Variants in ARHGAP24 observed in about 807,000 individuals in gnomAD.
The protein encoded by ARHGAP24 is rho GTPase-activating protein 24.
Under a neutral mutation model 76.4 loss-of-function variants are expected in ARHGAP24, and 50 were observed. The observed-to-expected ratio is 0.65, with a 90% CI of 0.52 to 0.83. The LOEUF (loss-of-function observed/expected upper bound fraction) is 0.83, where lower values mean the gene tolerates loss of function less well. ARHGAP24 is among the 40% of genes least tolerant of loss of function. The pLI is 0.00. For missense variants in ARHGAP24, 930 were observed against 914.2 expected, an observed-to-expected ratio of 1.02 and a Z score of -0.22; for synonymous variants, 345 against 323.3, an observed-to-expected ratio of 1.07 and a Z score of -0.72.
intron 2 of ARHGAP24, among the ~76,000 whole-genome samples, chr4:85,619,224 C>A (rs953941016): frequency 6.6e-5 from 10 of 152,126 alleles, no homozygotes; most frequent in Admixed American, 5.2e-4. Context: ...AAGAGACTGT[C>A]CTTTTCCCAC....
chr4:85,923,547 G>C, intron 3 of ARHGAP24, 101 bp from the exon 4 acceptor site: 2 of 1,511,400 alleles, frequency 1.3e-6, no homozygotes, highest in Non-Finnish European at 1.8e-6. Flanking sequence ...CTTAGTGCGG[G>C]CTGTATTAGG....
chr4:85,779,242 T>C (rs777650662), intron 3 of ARHGAP24, among the ~76,000 whole-genome samples: 1 of 152,236 alleles, frequency 6.6e-6, no homozygotes, highest in Non-Finnish European at 1.5e-5. Flanking sequence ...TGTTGTATCT[T>C]GTCATGTGTG....
At chr4:85,764,411 A>C (rs1402608742) in intron 3 of ARHGAP24, among the ~76,000 whole-genome samples, 5 of 152,156 alleles carry the variant, frequency 3.3e-5, no homozygotes, top group Non-Finnish European at 7.4e-5. Flanking sequence ...AAGCAATATT[A>C]ATGTGATGGA....
intron 1 of ARHGAP24, among the ~76,000 whole-genome samples, chr4:85,516,954 G>C (rs996970461): frequency 6.6e-6 from 1 of 152,044 alleles, no homozygotes; most frequent in African/African-American, 2.4e-5. Context: ...CTGGTATGTA[G>C]TGTGAGATAT....
At chr4:85,838,336 G>A (rs899564728) in intron 3 of ARHGAP24, among the ~76,000 whole-genome samples, 1 of 152,144 alleles carries the variant, frequency 6.6e-6, no homozygotes, top group Non-Finnish European at 1.5e-5. Flanking sequence ...GGTGGCTCAC[G>A]CCTGTAATCC....
intron 5 of ARHGAP24, among the ~76,000 whole-genome samples, chr4:85,952,613 A>G (rs1737681045): frequency 6.6e-6 from 1 of 152,220 alleles, no homozygotes; most frequent in African/African-American, 2.4e-5. Flanking sequence ...TTATTAAGCC[A>G]TGTACTTTCT....
At chr4:85,853,995 C>T (rs144799033) in intron 3 of ARHGAP24, among the ~76,000 whole-genome samples, 23 of 150,914 alleles carry the variant, frequency 1.5e-4, no homozygotes, top group African/African-American at 5.1e-4. Flanking sequence ...ATTAGCCGGG[C>T]GTGGTGGTGC....
intron 4 of ARHGAP24, among the ~76,000 whole-genome samples, chr4:85,927,273 T>C (rs1302227821): frequency 2.6e-5 from 4 of 152,008 alleles, no homozygotes; most frequent in Non-Finnish European, 5.9e-5. Context: ...CATATGAAAG[T>C]ATAGAACAGG....
chr4:85,977,703 AT>A lies in ARHGAP24; in HGVS notation c.928+14del. On this transcript the variant is annotated intron_variant, in intron 8 of 9. Transcript: ENST00000395184. ...GACTATCATGGAGGGTAAGTAAATG[AT>A]TATCTTATACCCTTATCAAAAGAAG... The A allele has an allele frequency of 1.2e-6, 2 of 1,613,076 alleles. No homozygotes were observed. Among genetic ancestry groups the A allele is most frequent in the African/African-American group, 2.7e-5 (2 of 75,028 alleles).
rs181217412 is a variant in ARHGAP24 at position 85,699,132 on chromosome 4, C to T, written c.181-22753C>T. On this transcript the variant is annotated intron_variant, in intron 2 of 9. Coordinates refer to ENST00000395184, the MANE Select transcript of ARHGAP24 (RefSeq NM_001025616.3). Reference sequence around the variant, plus strand: ...TGGATATTTTTGGTTGCATCCTTGTCCCATCTATTCTTTGCTTTTTCCCTT... The same window carrying T: ...TGGATATTTTTGGTTGCATCCTTGTTCCATCTATTCTTTGCTTTTTCCCTT... Among the ~76,000 whole-genome samples the T allele has an allele frequency of 3.9e-5, 6 of 152,294 alleles. No individual in the cohort carries two copies. In the East Asian group the frequency reaches 1.2e-3, roughly 29 times the overall value.
At chr4:85,653,873 C>T (rs1228124656) in intron 2 of ARHGAP24, among the ~76,000 whole-genome samples, 2 of 152,064 alleles carry the variant, frequency 1.3e-5, no homozygotes, top group Non-Finnish European at 2.9e-5. Context: ...TACTGGGCAG[C>T]ACAAATTAAA....
At chr4:85,898,246 G>A (rs549760590) in intron 3 of ARHGAP24, among the ~76,000 whole-genome samples, 1 of 151,912 alleles carries the variant, frequency 6.6e-6, no homozygotes, top group Non-Finnish European at 1.5e-5. Context: ...ACAGCCAATA[G>A]AAAACAGAAC....
intron 3 of ARHGAP24, among the ~76,000 whole-genome samples, chr4:85,761,290 C>T (rs1726722433): frequency 6.6e-6 from 1 of 152,174 alleles, no homozygotes; most frequent in Non-Finnish European, 1.5e-5. Context: ...CAAGATATTT[C>T]TAGAGATAGT....
intron 3 of ARHGAP24, among the ~76,000 whole-genome samples, chr4:85,767,691 G>A (rs1726982564): frequency 6.6e-6 from 1 of 152,140 alleles, no homozygotes; most frequent in South Asian, 2.1e-4. Context: ...ATTTTCAGTA[G>A]CATATTATAG....
intron 3 of ARHGAP24, among the ~76,000 whole-genome samples, chr4:85,920,349 T>A (rs1406827139): frequency 1.3e-5 from 2 of 152,006 alleles, no homozygotes; most frequent in African/African-American, 2.4e-5. Context: ...AGTTTCAGAC[T>A]CCTCCCTTAT....
intron 3 of ARHGAP24, among the ~76,000 whole-genome samples, chr4:85,770,498 A>AATTTCTTT (rs1424756634): frequency 1.3e-5 from 2 of 152,202 alleles, no homozygotes; most frequent in African/African-American, 4.8e-5. Flanking sequence ...TTATTTTGTC[A>AATTTCTTT]ATAACTGCCT....
intron 2 of ARHGAP24, among the ~76,000 whole-genome samples, chr4:85,700,052 TGAG>T (rs1163177150): frequency 6.6e-6 from 1 of 152,168 alleles, no homozygotes; most frequent in Non-Finnish European, 1.5e-5. Context: ...TTTACTTTCC[TGAG>T]GAGATCACAC....
chr4:85,831,818 C>T (rs1204841156), intron 3 of ARHGAP24, among the ~76,000 whole-genome samples: 1 of 151,572 alleles, frequency 6.6e-6, no homozygotes, highest in Non-Finnish European at 1.5e-5. Flanking sequence ...GTGATAATCA[C>T]CTGAGTCCCG....
chr4:85,642,844 A>T (rs149036195), intron 2 of ARHGAP24, among the ~76,000 whole-genome samples: 283 of 152,258 alleles, frequency 1.9e-3, no homozygotes, highest in African/African-American at 6.7e-3. Flanking sequence ...TTTGCTGAGA[A>T]CCCTGCAATA....
Sources: allele counts gnomAD v4.1 joint callset (sites outside exome capture counted in the v4.1 genomes callset), GRCh38; gene constraint gnomAD v4.1.1; transcripts MANE v1.5; gene names NCBI Gene and HGNC (gene_info 2026-07-23, HGNC 2026-07-21).